The following TMEM269 variants were observed in gnomAD, a reference collection of about 807,000 sequenced individuals.
The protein encoded by TMEM269 is transmembrane protein 269.
Under a neutral mutation model 15.8 loss-of-function variants are expected in TMEM269, and 12 were observed. The ratio of observed to expected loss-of-function variants is 0.76; its 90% CI spans 0.49 to 1.23. The LOEUF is 1.23. TMEM269 is among the 50% of genes most tolerant of loss of function. The probability of loss-of-function intolerance (pLI) is 0.00; values close to 1 mark genes in which losing one functional copy is unlikely to be tolerated. For missense variants in TMEM269, 211 were observed against 245.4 expected (o/e 0.86, Z 0.94); for synonymous variants, 93 against 99.3 (o/e 0.94, Z 0.38).
chr1:42,790,833 T>C (rs1190018239), intron 2 of TMEM269, among the ~76,000 whole-genome samples: 1 of 152,130 alleles, frequency 6.6e-6, no homozygotes, highest in Non-Finnish European at 1.5e-5. Flanking sequence ...TTTAGATACA[T>C]AGGACTAGGT....
intron 3 of TMEM269, 84 bp downstream of exon 3, chr1:42,792,986 G>T (rs1439230659): frequency 5.5e-6 from 6 of 1,088,396 alleles, no homozygotes; most frequent in East Asian, 2.6e-5. Context: ...CTAACATCCC[G>T]CAGGCCTTCA....
At chr1:42,786,652 C>T (rs992677804) in intron 1 of TMEM269, among the ~76,000 whole-genome samples, 7 of 152,220 alleles carry the variant, frequency 4.6e-5, no homozygotes, top group South Asian at 2.1e-4. Flanking sequence ...CTTCTCACCC[C>T]GTGGCAGGCT....
Position 42,788,333 on chromosome 1 carries a change from G to C in TMEM269, c.-98-1463G>C, listed in dbSNP as rs1290993957. Among the ~76,000 whole-genome samples, 1 of 152,192 alleles carries C rather than the reference G, an allele frequency of 6.6e-6. No individual in the cohort carries two copies. The highest frequency in any genetic ancestry group is 1.9e-4 in the East Asian group (1 of 5,200). On this transcript the variant is annotated intron_variant, in intron 1 of 5. Transcript: ENST00000637012. The surrounding 1 kb of genome is among the most constrained non-coding windows in gnomAD (Gnocchi z 4.0). ...GAGAAAACAGATCTGGGAACACCTTGAAACTTGTTTATTTCACTCAAGTGC... is the reference window on the plus strand; with the variant it reads ...GAGAAAACAGATCTGGGAACACCTTCAAACTTGTTTATTTCACTCAAGTGC...
intron 2 of TMEM269, among the ~76,000 whole-genome samples, 157 bp downstream of exon 2, chr1:42,790,091 T>C (rs1653656883): frequency 6.6e-6 from 1 of 152,170 alleles, no homozygotes; most frequent in East Asian, 1.9e-4. Context: ...CAAGATCCCA[T>C]GCTCAACGGT....
chr1:42,796,568 C>T (rs1159526186), intron 5 of TMEM269: 4 of 150,106 alleles, frequency 2.7e-5, no homozygotes, highest in East Asian at 3.9e-4. Flanking sequence ...AGGGAGTAGC[C>T]GAAAATCATA....
intron 5 of TMEM269, chr1:42,796,653 C>T (rs1423356080): frequency 6.6e-6 from 1 of 152,058 alleles, no homozygotes; most frequent in Admixed American, 6.6e-5. Flanking sequence ...AATCCTCCTG[C>T]CTTGGCCTCC....
chr1:42,785,864 T>G (rs1653531915), intron 1 of TMEM269, among the ~76,000 whole-genome samples: 1 of 152,142 alleles, frequency 6.6e-6, no homozygotes, highest in South Asian at 2.1e-4. Context: ...ACTTAGTCTC[T>G]CCACAACAGC....
chr1:42,791,723 C>T (rs139268891), intron 2 of TMEM269, among the ~76,000 whole-genome samples: 110 of 152,196 alleles, frequency 7.2e-4, no homozygotes, highest in East Asian at 7.1e-3. Context: ...AAAATCAGGC[C>T]GGGCGCAGTG....
Position 42,797,789 on chromosome 1 carries a change from T to G in TMEM269, c.485-309T>G. The stretch of plus-strand genomic sequence containing the variant: ...GAAGATTTTTTTTTCCTAACAAGGG[T>G]TTTTGGTTTTTGTCTTGGTTTGTTT... On this transcript the variant is annotated intron_variant, in intron 5 of 5. Transcript: ENST00000637012. This position sits in a 1 kb window ranked among gnomAD's most constrained non-coding sequence, Gnocchi z 4.9. The G allele has an allele frequency of 1.9e-6, 1 of 524,972 alleles. No homozygotes were observed. 32.5% of individuals were successfully genotyped at this position (524,972 alleles called of 1,614,324 possible).
chr1:42,787,606 CAAAAAAAA>C (rs56184198), intron 1 of TMEM269, among the ~76,000 whole-genome samples: 2 of 57,556 alleles, frequency 3.5e-5, no homozygotes, highest in Admixed American at 2.7e-4. Context: ...GACTCCGTCT[CAAAAAAAA>C]AAAAAAAAAA....
In TMEM269 at chr1:42,792,706, T is replaced by C. The variant is rs1471812233; in HGVS notation, c.42-99T>C. The C allele has an allele frequency of 1.5e-5, 11 of 727,644 alleles. No homozygotes were observed. The Admixed American group carries it at 2.0e-4, about 13-fold the overall frequency. 45.1% of individuals were successfully genotyped at this position (727,644 alleles called of 1,614,324 possible). A position where few individuals can be genotyped will look rare whatever the true frequency, so the allele number is the denominator to read the frequency against. ...AAGTGTGGGAGGTGTGTGGGAAGTA[T>C]ATTAGTGTATACTAATATACTAATG... On this transcript the variant is annotated intron_variant, in intron 2 of 5. Transcript: ENST00000637012.
At chr1:42,786,342 G>A (rs1653542365) in intron 1 of TMEM269, among the ~76,000 whole-genome samples, 1 of 152,198 alleles carries the variant, frequency 6.6e-6, no homozygotes, top group Admixed American at 6.5e-5. Flanking sequence ...CCCAAACAGA[G>A]TGCCAAGTGT....
At chr1:42,793,041 C>T in intron 3 of TMEM269, 139 bp downstream of exon 3, 1 of 708,596 alleles carries the variant, frequency 1.4e-6, no homozygotes, top group South Asian at 1.7e-5. Flanking sequence ...GCAGCAGCAG[C>T]AGCAGCCCTG....
Position 42,788,021 on chromosome 1 carries a change from AGGAATCCCAAT to A in TMEM269, c.-98-1772_-98-1762del, listed in dbSNP as rs1342307582. The A allele has an allele frequency of 6.6e-6, 1 of 152,414 alleles. No individual in the cohort carries two copies. Among genetic ancestry groups the A allele is most frequent in the Non-Finnish European group, 1.5e-5 (1 of 68,204 alleles). The allele number at this position is 152,414 out of a possible 1,614,324, so 9.4% of individuals were successfully genotyped here. A position where few individuals can be genotyped will look rare whatever the true frequency, so the allele number is the denominator to read the frequency against. On this transcript the variant is annotated intron_variant, in intron 1 of 5. Coordinates refer to ENST00000637012, the MANE Select transcript of TMEM269 (RefSeq NM_001354602.2). The surrounding 1 kb of genome is among the most constrained non-coding windows in gnomAD (Gnocchi z 4.0). The stretch of plus-strand genomic sequence containing the variant: ...AGGGGCTCTGGCATACGAACGTCTT[AGGAATCCCAAT>A]GGCTCTGGCCATGTAGCTACTGATC...
rs1170005026 is a variant in TMEM269, at chr1:42,793,675, C to T, written c.214C>T (p.Leu72Phe). 5 of 1,550,608 alleles carry T rather than the reference C, an allele frequency of 3.2e-6. No homozygotes were observed. In the East Asian group the frequency reaches 1.2e-4, roughly 38 times the overall value. The part of the protein sequence containing the change: ...ASALLLGVDG[L>F]LSGILAIIYV... ...CGCTCTGCTCCTAGGCGTGGATGGA[C>T]TTCTGAGTGGGATCCTGGCCATCAT... The change falls in exon 4 of 6, where the codon CTT becomes TTT. Residue 72 changes from leucine (L) to phenylalanine (F), a missense_variant. Transcript: ENST00000637012.
Position 42,797,562 on chromosome 1 carries a change from T to C in TMEM269, c.485-536T>C, listed in dbSNP as rs1375091521. Among the ~76,000 whole-genome samples the C allele has an allele frequency of 6.6e-6, 1 of 152,182 alleles. No individual in the cohort carries two copies. The highest frequency in any genetic ancestry group is 2.4e-5 in the African/African-American group (1 of 41,442). ...GCTTATATGGACAGTCTAGGAACAGTGAGACACTCTTATCAGTTGGGGAAA... is the reference window on the plus strand; with the variant it reads ...GCTTATATGGACAGTCTAGGAACAGCGAGACACTCTTATCAGTTGGGGAAA... On this transcript the variant is annotated intron_variant, in intron 5 of 5. Transcript: ENST00000637012. This position sits in a 1 kb window ranked among gnomAD's most constrained non-coding sequence, Gnocchi z 4.9.
Position 42,793,742 on chromosome 1 carries a change from C to T in TMEM269, c.281C>T (p.Pro94Leu), listed in dbSNP as rs961455142. ...AASFHLCFYSPGVPSTYKGLP... is the reference protein window; with the variant it reads ...AASFHLCFYSLGVPSTYKGLP... Reference sequence around the variant, plus strand: ...TCTTTCCACTTGTGCTTTTATTCACCTGGTGAGTGGAACCAAGGTTGCCTT... The same window carrying T: ...TCTTTCCACTTGTGCTTTTATTCACTTGGTGAGTGGAACCAAGGTTGCCTT... The change falls in exon 4 of 6, where the codon CCT becomes CTT. Residue 94 changes from proline (P) to leucine (L), a missense_variant and splice_region_variant. Pro to Leu is a moderately conservative substitution (Grantham distance 98). Coordinates refer to ENST00000637012, the MANE Select transcript of TMEM269 (RefSeq NM_001354602.2). 4 of 1,549,900 alleles carry T rather than the reference C, an allele frequency of 2.6e-6. No homozygotes were observed. Among genetic ancestry groups the T allele is most frequent in the Non-Finnish European group, 3.5e-6 (4 of 1,146,670 alleles).
intron 2 of TMEM269, 120 bp downstream of exon 2, chr1:42,790,054 A>G: frequency 1.4e-6 from 1 of 733,422 alleles, no homozygotes; most frequent in Non-Finnish European, 2.3e-6. Flanking sequence ...ACCCAGGGTA[A>G]GTGCAGTGGC....
chr1:42,789,799 AG>A lies in TMEM269; in HGVS notation c.-92del. ...GCCCCTCTCTCTTGGGCCCCAGGTA[AG>A]GGTACCAGTTTCTTCCTGAGCCATG... On this transcript the variant is annotated 5_prime_UTR_variant, in exon 2 of 6. The change creates a premature stop within an existing upstream ORF in the 5' untranslated region. Transcript: ENST00000637012. 6.7e-7 allele frequency: 1 copy of A among 1,493,324 alleles called. No individual in the cohort carries two copies. The allele number at this position is 1,493,324 out of a possible 1,614,324, so 92.5% of individuals were successfully genotyped here.
Sources: gnomAD v4.1 joint callset for allele counts (sites outside exome capture counted in the v4.1 genomes callset) on GRCh38, gnomAD v4.1.1 for gene constraint, Gnocchi (gnomAD v3.1) non-coding constraint, MANE v1.5 for transcripts, NCBI Gene and HGNC (gene_info 2026-07-23, HGNC 2026-07-21) for gene names.